The following MTRFR variants were observed in gnomAD, a reference collection of about 807,000 sequenced individuals.
MTRFR encodes mitochondrial translation release factor in rescue.
In MTRFR, 10 loss-of-function variants were observed where a neutral mutation model predicts 11.9. That is an observed-to-expected ratio of 0.84 (90% CI 0.52 to 1.42). The LOEUF (loss-of-function observed/expected upper bound fraction) is 1.42, where lower values mean the gene tolerates loss of function less well. Among genes scored for constraint, MTRFR ranks in the 40% most tolerant of loss-of-function variants. MTRFR has a pLI of 0.00. For missense variants in MTRFR, 196 were observed against 197.9 expected, an observed-to-expected ratio of 0.99 and a Z score of 0.06; for synonymous variants, 77 against 79.1, an observed-to-expected ratio of 0.97 and a Z score of 0.14.
intron 1 of MTRFR, chr12:123,252,557 C>T (rs1172927376): frequency 6.7e-6 from 1 of 148,406 alleles, no homozygotes; most frequent in Admixed American, 6.8e-5. Context: ...AAACAAAAAA[C>T]AACAATCATG....
At chr12:123,239,596 G>C (rs1011899108) in intron 1 of MTRFR, among the ~76,000 whole-genome samples, 6 of 151,980 alleles carry the variant, frequency 3.9e-5, no homozygotes, top group Non-Finnish European at 7.4e-5. Flanking sequence ...TAGAGACGGG[G>C]TTTCACCGTG....
intron 2 of MTRFR, among the ~76,000 whole-genome samples, chr12:123,255,954 G>T (rs895999638): frequency 6.6e-6 from 1 of 152,056 alleles, no homozygotes. Context: ...TGGTACAGAT[G>T]GGGGGTCTTG....
At chr12:123,255,230 A>C (rs1031915679) in intron 2 of MTRFR, among the ~76,000 whole-genome samples, 3 of 152,182 alleles carry the variant, frequency 2.0e-5, no homozygotes, top group Admixed American at 2.0e-4. Context: ...CTCAGTAGTC[A>C]GTTCACACCA....
At chr12:123,242,335 C>T (rs1298266788) in intron 1 of MTRFR, among the ~76,000 whole-genome samples, 2 of 152,196 alleles carry the variant, frequency 1.3e-5, no homozygotes, top group Admixed American at 6.5e-5. Context: ...GTCATGACTG[C>T]TGGTTTCCTC....
rs1415026661 is a variant in MTRFR at position 123,256,810 on chromosome 12, C to T, written c.283-3C>T. On this transcript the variant is annotated splice_region_variant and splice_polypyrimidine_tract_variant and intron_variant, in intron 2 of 2. Coordinates refer to ENST00000253233, the MANE Select transcript of MTRFR (RefSeq NM_152269.5). ...TCACATTATAAAATATTATCTCTTA[C>T]AGTGCCATCAGACAAGATCAGTTGA... 1.2e-6 allele frequency: 2 copies of T among 1,606,148 alleles called. No homozygotes were observed. Among genetic ancestry groups the T allele is most frequent in the Non-Finnish European group, 1.7e-6 (2 of 1,172,952 alleles).
Position 123,245,095 on chromosome 12 carries a change from C to T in MTRFR, c.-28-8552C>T, listed in dbSNP as rs552419859. ...TCCCGAGTAGCTGGGATTACATGCGCCCACCACTGCGCCCGGCTAATTTTT... is the reference window on the plus strand; with the variant it reads ...TCCCGAGTAGCTGGGATTACATGCGTCCACCACTGCGCCCGGCTAATTTTT... On this transcript the variant is annotated intron_variant, in intron 1 of 2. Transcript: ENST00000253233. 7.2e-5 allele frequency among the ~76,000 whole-genome samples: 11 copies of T among 151,842 alleles called. No homozygotes were observed. The East Asian group carries it at 2.1e-3, about 30-fold the overall frequency.
At chr12:123,255,989 A>G (rs2048178618) in intron 2 of MTRFR, among the ~76,000 whole-genome samples, 1 of 151,952 alleles carries the variant, frequency 6.6e-6, no homozygotes, top group Non-Finnish European at 1.5e-5. Context: ...CTGGTCTCAA[A>G]CTCCAGCCCT....
At chr12:123,232,919 A>G (rs1023571069), upstream of MTRFR, 7 of 152,228 alleles carry the variant, frequency 4.6e-5, no homozygotes, top group African/African-American at 1.7e-4. Context: ...GAGCTCCCAC[A>G]CGCCGAAGGG....
intron 1 of MTRFR, chr12:123,250,129 G>C (rs941738503): frequency 2.0e-5 from 3 of 152,172 alleles, no homozygotes; most frequent in Non-Finnish European, 2.9e-5. Flanking sequence ...TTGTCTTCGA[G>C]CTCTGAATTT....
chr12:123,233,393 A>T (rs2047758044), upstream of MTRFR: 1 of 152,282 alleles, frequency 6.6e-6, no homozygotes, highest in Non-Finnish European at 1.5e-5. Context: ...GTGAGTAAAC[A>T]TGAGCCTCTG....
intron 1 of MTRFR, among the ~76,000 whole-genome samples, chr12:123,234,543 C>G (rs1474012370): frequency 6.6e-6 from 1 of 152,078 alleles, no homozygotes; most frequent in Non-Finnish European, 1.5e-5. Context: ...ATACCGGTGC[C>G]CGCCACCACA....
At position 123,257,043 on chromosome 12, in the gene MTRFR, G is replaced by A; in HGVS notation, c.*12G>A. The A allele has an allele frequency of 6.2e-7, 1 of 1,600,420 alleles. No homozygotes were observed. The highest frequency in any genetic ancestry group is 8.6e-7 in the Non-Finnish European group (1 of 1,169,408). On this transcript the variant is annotated 3_prime_UTR_variant, in exon 3 of 3. Transcript: ENST00000253233. The stretch of plus-strand genomic sequence containing the variant: ...AAAAGGTCCACTGAGAAAAGAATTA[G>A]AGATTCCAACTGACAGAATCTGCCA...
chr12:123,242,948 A>G (rs1404263384), intron 1 of MTRFR, among the ~76,000 whole-genome samples: 1 of 152,194 alleles, frequency 6.6e-6, no homozygotes, highest in Non-Finnish European at 1.5e-5. Flanking sequence ...TGCCTGATAC[A>G]CAAATGAATT....
intron 1 of MTRFR, among the ~76,000 whole-genome samples, chr12:123,235,498 G>A (rs1189190828): frequency 6.6e-6 from 1 of 151,804 alleles, no homozygotes; most frequent in African/African-American, 2.4e-5. Flanking sequence ...CCTAGTAGCT[G>A]AGACTACAGG....
At chr12:123,243,929 T>G (rs1199711320) in intron 1 of MTRFR, 1 of 152,186 alleles carries the variant, frequency 6.6e-6, no homozygotes, top group Non-Finnish European at 1.5e-5. Context: ...CACAGTGGGC[T>G]CAAGAGACAG....
intron 2 of MTRFR, chr12:123,255,048 T>C (rs1298796053): frequency 6.6e-6 from 1 of 152,092 alleles, no homozygotes; most frequent in Non-Finnish European, 1.5e-5. Flanking sequence ...GTGTTTCATA[T>C]ATAACGATAC....
chr12:123,253,947 C>G lies in MTRFR; in HGVS notation c.273C>G (p.Ile91Met). ...CVVLKHIPSGIVVKCHQTRSV... is the reference protein window; with the variant it reads ...CVVLKHIPSGMVVKCHQTRSV... Reference sequence around the variant, plus strand: ...TGCTGAAGCACATCCCCTCAGGCATCGTTGTAAAGGTAGATCACAGAAGGC... The same window carrying G: ...TGCTGAAGCACATCCCCTCAGGCATGGTTGTAAAGGTAGATCACAGAAGGC... Residue 91 changes from isoleucine to methionine, a missense_variant, in exon 2 of 3, where the codon ATC becomes ATG. Ile to Met is a conservative substitution (Grantham distance 10, BLOSUM62 1). Transcript: ENST00000253233. 6.2e-7 allele frequency: 1 copy of G among 1,614,072 alleles called. No individual in the cohort carries two copies. The highest frequency in any genetic ancestry group is 8.5e-7 in the Non-Finnish European group (1 of 1,180,016).
chr12:123,253,801 A>G lies in MTRFR; in HGVS notation c.127A>G (p.Met43Val). Residue 43 changes from methionine (M) to valine (V), a missense_variant, in exon 2 of 3, where the codon ATG becomes GTG. Physicochemically the swap from Met to Val is conservative, Grantham distance 21. Transcript: ENST00000253233. ...SPGIAVTPVQ[M>V]AGKKDYPALL... ...AGGAATAGCTGTCACTCCGGTCCAG[A>G]TGGCAGGCAAGAAGGACTACCCTGC... 1 of 1,614,218 alleles carries G rather than the reference A, an allele frequency of 6.2e-7. No homozygotes were observed. The highest frequency in any genetic ancestry group is 8.5e-7 in the Non-Finnish European group (1 of 1,180,038).
chr12:123,244,930 ATTTTTT>A (rs544105176), intron 1 of MTRFR, among the ~76,000 whole-genome samples: 2 of 65,094 alleles, frequency 3.1e-5, no homozygotes, highest in African/African-American at 2.0e-4. Flanking sequence ...CGCACCCGGC[ATTTTTT>A]TTTTTTTTTT....
Sources: allele counts gnomAD v4.1 joint callset (sites outside exome capture counted in the v4.1 genomes callset), GRCh38; gene constraint gnomAD v4.1.1; transcripts MANE v1.5; gene names NCBI Gene and HGNC (gene_info 2026-07-23, HGNC 2026-07-21).